Variants in C3orf70 observed in about 807,000 individuals in gnomAD.
C3orf70 encodes UPF0524 protein C3orf70.
C3orf70 carries 15 observed loss-of-function variants against 20.7 expected under a neutral mutation model. The observed-to-expected ratio is 0.72, with a 90% confidence interval of 0.48 to 1.11. The LOEUF (loss-of-function observed/expected upper bound fraction) is 1.11. Ranked by LOEUF, C3orf70 falls within the 50% of genes most tolerant of loss-of-function variation. The pLI, the probability that C3orf70 is intolerant of heterozygous loss-of-function variation, is 0.00. For synonymous variants in C3orf70, 161 were observed against 125.7 expected, an observed-to-expected ratio of 1.28 and a Z score of -1.88; for missense variants, 332 against 317.6, an observed-to-expected ratio of 1.05 and a Z score of -0.34.
At position 185,076,883 on chromosome 3, in the gene C3orf70, T is replaced by C. The variant is rs972661046; in HGVS notation, c.*6124A>G. Among the ~76,000 whole-genome samples the C allele has an allele frequency of 6.6e-6, 1 of 152,184 alleles. No homozygotes were observed. The highest frequency in any genetic ancestry group is 2.4e-5 in the African/African-American group (1 of 41,434). Reference sequence around the variant, plus strand: ...TATTGCAGAATAAAAGTGTGTGCAGTCAGCATTTGTAAGAGGCTACAATGA... The same window carrying C: ...TATTGCAGAATAAAAGTGTGTGCAGCCAGCATTTGTAAGAGGCTACAATGA... On this transcript the variant is annotated 3_prime_UTR_variant, in exon 2 of 2. Transcript: ENST00000335012.
intron 1 of C3orf70, among the ~76,000 whole-genome samples, chr3:185,102,519 A>C (rs964212106): frequency 2.6e-5 from 4 of 152,238 alleles, no homozygotes; most frequent in Non-Finnish European, 5.9e-5. Flanking sequence ...TATTCCTATC[A>C]AACTACAAAT....
rs528654653 is a variant in C3orf70 at position 185,152,139 on chromosome 3, C to T, written c.196+489G>A. ...AATTTGGGTACAATCAAGGGGGAAA[C>T]AATTGGATATCCAAGGGCTCCTTCT... On this transcript the variant is annotated intron_variant, in intron 1 of 1. Transcript: ENST00000335012. Among the ~76,000 whole-genome samples, 25 of 152,224 alleles carry T rather than the reference C, an allele frequency of 1.6e-4. 1 individual carries two copies. In the South Asian group the frequency reaches 3.7e-3, roughly 23 times the overall value.
intron 1 of C3orf70, among the ~76,000 whole-genome samples, chr3:185,102,515 T>A (rs1715842356): frequency 6.6e-6 from 1 of 152,248 alleles, no homozygotes; most frequent in Non-Finnish European, 1.5e-5. Flanking sequence ...ATGCTATTCC[T>A]ATCAAACTAC....
chr3:185,092,836 CAAA>C (rs1403433860), intron 1 of C3orf70, among the ~76,000 whole-genome samples: 1 of 151,946 alleles, frequency 6.6e-6, no homozygotes, highest in Non-Finnish European at 1.5e-5. Flanking sequence ...GCTAAAAATA[CAAA>C]AATTAGTTGG....
chr3:185,137,066 C>T (rs1367132841), intron 1 of C3orf70, among the ~76,000 whole-genome samples: 2 of 152,198 alleles, frequency 1.3e-5, no homozygotes, highest in Non-Finnish European at 2.9e-5. Flanking sequence ...TGAATTCCCA[C>T]GTTTTGTAGG....
chr3:185,122,348 T>C (rs1716322627), intron 1 of C3orf70, among the ~76,000 whole-genome samples: 1 of 152,152 alleles, frequency 6.6e-6, no homozygotes, highest in African/African-American at 2.4e-5. Flanking sequence ...GTGGGTTCTG[T>C]ACCTGTGGAT....
chr3:185,114,000 G>C (rs746005088), intron 1 of C3orf70, among the ~76,000 whole-genome samples: 11 of 152,274 alleles, frequency 7.2e-5, no homozygotes, highest in Admixed American at 2.6e-4. Context: ...GGGAGTTTCA[G>C]AACAGCCTGA....
chr3:185,111,056 C>A (rs995450459), intron 1 of C3orf70, among the ~76,000 whole-genome samples: 1 of 151,816 alleles, frequency 6.6e-6, no homozygotes, highest in African/African-American at 2.4e-5. Context: ...GGCACACATG[C>A]AAAAGAAAGA....
At chr3:185,148,876 A>T (rs1716927455) in intron 1 of C3orf70, among the ~76,000 whole-genome samples, 1 of 152,188 alleles carries the variant, frequency 6.6e-6, no homozygotes, top group South Asian at 2.1e-4. Context: ...TATGTGCTTT[A>T]TGTCTTTTAT....
chr3:185,147,330 T>C (rs906204135), intron 1 of C3orf70, among the ~76,000 whole-genome samples: 1 of 152,206 alleles, frequency 6.6e-6, no homozygotes, highest in Admixed American at 6.5e-5. Flanking sequence ...TTCTAATTAC[T>C]TTCTCTTCCT....
intron 1 of C3orf70, among the ~76,000 whole-genome samples, chr3:185,121,073 T>C (rs1288919643): frequency 6.6e-6 from 1 of 152,158 alleles, no homozygotes; most frequent in Non-Finnish European, 1.5e-5. Flanking sequence ...AGTAATGGCA[T>C]CCACAGCAAC....
intron 1 of C3orf70, among the ~76,000 whole-genome samples, chr3:185,150,298 T>C (rs1716966203): frequency 6.6e-6 from 1 of 152,246 alleles, no homozygotes; most frequent in Non-Finnish European, 1.5e-5. Context: ...TCAACAATTT[T>C]ATCAGTAACT....
chr3:185,148,638 G>A (rs750886182), intron 1 of C3orf70, among the ~76,000 whole-genome samples: 3 of 151,986 alleles, frequency 2.0e-5, no homozygotes, highest in East Asian at 1.9e-4. Context: ...CTCTCAAAAC[G>A]CCTCTTGAAA....
intron 1 of C3orf70, among the ~76,000 whole-genome samples, chr3:185,146,802 T>C (rs1467554284): frequency 6.6e-6 from 1 of 152,208 alleles, no homozygotes; most frequent in Non-Finnish European, 1.5e-5. Flanking sequence ...CCTAGAGTTG[T>C]ATAGAAGCAC....
intron 1 of C3orf70, among the ~76,000 whole-genome samples, chr3:185,093,649 A>C (rs1715639403): frequency 6.6e-6 from 1 of 152,174 alleles, no homozygotes. Flanking sequence ...ATGGTGTAGA[A>C]GTTAGAGAAA....
intron 1 of C3orf70, among the ~76,000 whole-genome samples, chr3:185,138,706 A>AT (rs1458000539): frequency 6.6e-5 from 10 of 152,094 alleles, no homozygotes; most frequent in African/African-American, 2.4e-4. Context: ...CCCATTCAAG[A>AT]TTTTTTTTAA....
intron 1 of C3orf70, among the ~76,000 whole-genome samples, chr3:185,093,165 G>C (rs372052826): frequency 1.3e-5 from 2 of 152,262 alleles, no homozygotes; most frequent in African/African-American, 4.8e-5. Context: ...TCAAGTAAGA[G>C]AGAATGGAGG....
chr3:185,099,966 AC>A (rs1715788486), intron 1 of C3orf70, among the ~76,000 whole-genome samples: 1 of 152,242 alleles, frequency 6.6e-6, no homozygotes, highest in African/African-American at 2.4e-5. Context: ...AAAGGGCATT[AC>A]ATAATGGTAA....
At chr3:185,113,628 C>T (rs113842283) in intron 1 of C3orf70, among the ~76,000 whole-genome samples, 3,220 of 152,156 alleles carry the variant, frequency 0.021, 45 homozygotes, top group East Asian at 0.094. Context: ...TAACTAATTG[C>T]TAGATAGTGC....
Sources: allele counts gnomAD v4.1 joint callset (sites outside exome capture counted in the v4.1 genomes callset), GRCh38; gene constraint gnomAD v4.1.1; transcripts MANE v1.5; gene names NCBI Gene and HGNC (gene_info 2026-07-23, HGNC 2026-07-21).